The following MAST4 variants were observed in gnomAD, a reference collection of about 807,000 sequenced individuals.
The protein encoded by MAST4 is microtubule associated serine/threonine kinase family member 4.
In MAST4, 89 loss-of-function variants were observed where a neutral mutation model predicts 162.7. The ratio of observed to expected loss-of-function variants is 0.55; its 90% confidence interval spans 0.46 to 0.65. The LOEUF (loss-of-function observed/expected upper bound fraction) is 0.65. Among genes scored for constraint, MAST4 ranks in the 30% least tolerant of loss-of-function variants. The pLI is 0.00. For missense variants in MAST4, 3,153 were observed against 3,374.0 expected (o/e 0.93, Z 1.62); for synonymous variants, 1,479 against 1,361.1 (o/e 1.09, Z -1.91).
chr5:66,976,431 C>T (rs1346087673), intron 4 of MAST4, among the ~76,000 whole-genome samples: 3 of 152,234 alleles, frequency 2.0e-5, no homozygotes, highest in Non-Finnish European at 4.4e-5. Context: ...GAGCCAAGCA[C>T]AATACTGGGG....
At chr5:67,086,675 G>T (rs1255729066) in intron 5 of MAST4, among the ~76,000 whole-genome samples, 2 of 152,228 alleles carry the variant, frequency 1.3e-5, no homozygotes, top group African/African-American at 4.8e-5. Flanking sequence ...ATAAGCAAGT[G>T]CTGCACATAT....
Position 67,163,876 on chromosome 5 carries a change from T to A in MAST4, c.4697T>A (p.Leu1566Gln), listed in dbSNP as rs993014418. 3.1e-6 allele frequency: 5 copies of A among 1,613,900 alleles called. No individual in the cohort carries two copies. The highest frequency in any genetic ancestry group is 4.2e-6 in the Non-Finnish European group (5 of 1,179,886). Residue 1566 changes from leucine to glutamine, a missense_variant, in exon 29 of 29, where the codon CTG becomes CAG. Coordinates refer to ENST00000403625, the MANE Select transcript of MAST4 (RefSeq NM_001164664.2). The surrounding 1 kb of genome is among the most constrained non-coding windows in gnomAD (Gnocchi z 7.0). Reference sequence around the variant, plus strand: ...GGGAGTGATTTGGAAAACTTTGCTCTGTTTAAGCTGGAAGAGAGAGAGAAG... The same window carrying A: ...GGGAGTGATTTGGAAAACTTTGCTCAGTTTAAGCTGGAAGAGAGAGAGAAG... ...GPGSDLENFA[L>Q]FKLEEREKKV...
intron 1 of MAST4, among the ~76,000 whole-genome samples, chr5:66,738,821 CCTTT>C (rs1398022834): frequency 1.3e-5 from 2 of 151,824 alleles, no homozygotes; most frequent in Admixed American, 6.6e-5. Flanking sequence ...TTCATAAATC[CCTTT>C]CTTCTTCTTT....
intron 1 of MAST4, among the ~76,000 whole-genome samples, chr5:66,633,891 C>T (rs1157519287): frequency 6.6e-6 from 1 of 152,126 alleles, no homozygotes; most frequent in Non-Finnish European, 1.5e-5. Flanking sequence ...AGGCCGTCAG[C>T]TTGCACTGTG....
At chr5:67,005,138 G>A in intron 4 of MAST4, 1 of 721,760 alleles carries the variant, frequency 1.4e-6, no homozygotes, top group Non-Finnish European at 2.6e-6. Context: ...CTTCCCAGGG[G>A]CCCACAGGCG....
chr5:66,823,525 A>T (rs1217369935), intron 3 of MAST4, among the ~76,000 whole-genome samples: 1 of 152,122 alleles, frequency 6.6e-6, no homozygotes, highest in Non-Finnish European at 1.5e-5. Flanking sequence ...TTGCTCGGGC[A>T]GGAGTGCAGT....
chr5:66,876,770 T>C (rs372542508), intron 3 of MAST4, among the ~76,000 whole-genome samples: 1 of 152,122 alleles, frequency 6.6e-6, no homozygotes, highest in Non-Finnish European at 1.5e-5. Flanking sequence ...TTTTGGAGCA[T>C]TGTCATGACA....
intron 3 of MAST4, 54 bp downstream of exon 3, chr5:66,788,848 G>A (rs183763): frequency 0.14 from 206,291 of 1,479,404 alleles, 17,166 homozygotes; most frequent in East Asian, 0.43. Flanking sequence ...CCTCTCTAGG[G>A]ACAATTTAAG....
chr5:66,956,425 T>A (rs1363927915), intron 4 of MAST4, among the ~76,000 whole-genome samples: 1 of 152,158 alleles, frequency 6.6e-6, no homozygotes, highest in Admixed American at 6.5e-5. Context: ...TGGCTTAGAT[T>A]CCCTGGGGTT....
At chr5:66,932,843 G>A (rs1194670540) in intron 4 of MAST4, among the ~76,000 whole-genome samples, 3 of 152,220 alleles carry the variant, frequency 2.0e-5, no homozygotes, top group African/African-American at 4.8e-5. Flanking sequence ...ATGAAATTTA[G>A]CAATTAAATC....
rs149451942 is a variant in MAST4 at position 67,021,306 on chromosome 5, A to G, written c.675-33098A>G. On this transcript the variant is annotated intron_variant, in intron 4 of 28. Transcript: ENST00000403625. Reference sequence around the variant, plus strand: ...ATTGAATGTTGTGCATGTTACAGGAATAGAATTTTCTCTTATCCAAGTGTA... The same window carrying G: ...ATTGAATGTTGTGCATGTTACAGGAGTAGAATTTTCTCTTATCCAAGTGTA... Among the ~76,000 whole-genome samples, 215 of 152,324 alleles carry G rather than the reference A, an allele frequency of 1.4e-3. 6 individuals carry two copies. Among genetic ancestry groups the G allele is most frequent in the African/African-American group, 5.0e-3 (208 of 41,576 alleles).
At chr5:66,962,383 G>A (rs375789229) in intron 4 of MAST4, among the ~76,000 whole-genome samples, 8 of 152,278 alleles carry the variant, frequency 5.3e-5, no homozygotes, top group African/African-American at 1.4e-4. Flanking sequence ...GTTCAAGTTC[G>A]GCCTGGGAGG....
intron 1 of MAST4, among the ~76,000 whole-genome samples, chr5:66,694,571 C>G (rs1418580600): frequency 6.6e-6 from 1 of 152,154 alleles, no homozygotes; most frequent in African/African-American, 2.4e-5. Context: ...ACTGCAACCT[C>G]TACCTCCCAG....
At chr5:66,668,972 G>A (rs1278289385) in intron 1 of MAST4, among the ~76,000 whole-genome samples, 2 of 152,102 alleles carry the variant, frequency 1.3e-5, no homozygotes, top group Non-Finnish European at 2.9e-5. Context: ...GACTTGCAGA[G>A]GGAAAAAAGC....
chr5:66,859,471 G>C lies in MAST4; in HGVS notation c.643-40480G>C, dbSNP rs963996574. ...TTCTCTCTCCAATCCTACCACCCCT[G>C]TCCTTTCTTGCCTCCCCATTACCTT... On this transcript the variant is annotated intron_variant, in intron 3 of 28. Transcript: ENST00000403625. 2.0e-5 allele frequency among the ~76,000 whole-genome samples: 3 copies of C among 152,184 alleles called. No homozygotes were observed. In the East Asian group the frequency reaches 5.8e-4, roughly 29 times the overall value.
chr5:67,044,627 GC>G (rs1364254085), intron 4 of MAST4, among the ~76,000 whole-genome samples: 2 of 152,072 alleles, frequency 1.3e-5, no homozygotes, highest in African/African-American at 4.8e-5. Flanking sequence ...TTATCCTCCA[GC>G]CTCGCTGCCT....
chr5:66,692,526 G>T (rs71632581), intron 1 of MAST4, among the ~76,000 whole-genome samples: 1 of 151,742 alleles, frequency 6.6e-6, no homozygotes, highest in Non-Finnish European at 1.5e-5. Flanking sequence ...GGGCTATTCC[G>T]CAAGCTGGGC....
chr5:67,110,068 A>G (rs772620693), intron 10 of MAST4, 30 bp from the exon 11 acceptor site: 20 of 1,506,254 alleles, frequency 1.3e-5, no homozygotes, highest in Non-Finnish European at 1.7e-5. Context: ...ACAACTCTGC[A>G]TCATCACTCT....
intron 3 of MAST4, among the ~76,000 whole-genome samples, chr5:66,793,072 T>C (rs1755492916): frequency 6.6e-6 from 1 of 152,238 alleles, no homozygotes; most frequent in South Asian, 2.1e-4. Context: ...TTTTAGTAAA[T>C]GCATGACCTT....
Sources: allele counts gnomAD v4.1 joint callset (sites outside exome capture counted in the v4.1 genomes callset), GRCh38; gene constraint gnomAD v4.1.1; non-coding constraint Gnocchi (gnomAD v3.1); transcripts MANE v1.5; gene names NCBI Gene and HGNC (gene_info 2026-07-23, HGNC 2026-07-21).